The following RNF123 variants were observed in gnomAD, a reference collection of about 807,000 sequenced individuals.
The protein encoded by RNF123 is ring finger protein 123.
RNF123 carries 86 observed loss-of-function variants against 168.5 expected under a neutral mutation model. The observed-to-expected ratio is 0.51, with a 90% CI of 0.43 to 0.61. The LOEUF is 0.61. Ranked by LOEUF, RNF123 falls within the 20% of genes least tolerant of loss-of-function variation. The pLI is 0.00. For missense variants in RNF123, 1,419 were observed against 1,729.7 expected (o/e 0.82, Z 3.19); for synonymous variants, 666 against 689.1 (o/e 0.97, Z 0.52).
chr3:49,710,247 C>A (rs1028407442), intron 26 of RNF123, among the ~76,000 whole-genome samples: 2 of 152,124 alleles, frequency 1.3e-5, no homozygotes, highest in Non-Finnish European at 2.9e-5. Context: ...TTTACAAGCA[C>A]TTATTGGCCA....
chr3:49,716,013 G>T lies in RNF123; in HGVS notation c.3339+3G>T. On this transcript the variant is annotated splice_donor_region_variant and intron_variant, in intron 33 of 38. Transcript: ENST00000327697. ...TGCTGCTGCGGCGTCTTGCACAGGT[G>T]TGGCCATCTGGGCAACAAGGGTGGG... 4 of 1,613,936 alleles carry T rather than the reference G, an allele frequency of 2.5e-6. No homozygotes were observed. Among genetic ancestry groups the T allele is most frequent in the Non-Finnish European group, 2.5e-6 (3 of 1,180,008 alleles).
In RNF123 at chr3:49,702,765, C is replaced by T. The variant is rs564361767; in HGVS notation, c.1750+12C>T. Reference sequence around the variant, plus strand: ...TTCCTTCAGTGAGGGTGAGTGGCACCGGGGTCCCAGGTCAGTGAGGCTGGA... The same window carrying T: ...TTCCTTCAGTGAGGGTGAGTGGCACTGGGGTCCCAGGTCAGTGAGGCTGGA... On this transcript the variant is annotated intron_variant, in intron 20 of 38. Transcript: ENST00000327697. The T allele has an allele frequency of 4.8e-5, 77 of 1,613,970 alleles. No individual in the cohort carries two copies. In the South Asian group the frequency reaches 5.3e-4, roughly 11 times the overall value.
In RNF123 at chr3:49,712,816, T is replaced by TGCAGCACC. The variant is rs1193007900; in HGVS notation, c.2674+160_2674+161insGCAGCACC. The TGCAGCACC allele has an allele frequency of 1.5e-5, 12 of 813,152 alleles. No homozygotes were observed. In the African/African-American group the frequency reaches 1.9e-4, roughly 13 times the overall value. The allele number at this position is 813,152 out of a possible 1,614,324, so 50.4% of individuals were successfully genotyped here. A position where few individuals can be genotyped will look rare whatever the true frequency, so the allele number is the denominator to read the frequency against. On this transcript the variant is annotated intron_variant, in intron 27 of 38. Transcript: ENST00000327697. ...TGGTTCACCCTGCAGCAAACAAACG[T>TGCAGCACC]CTGCACCCTGCCCTGGGACCTGCAG...
chr3:49,695,184 C>T (rs370796813), intron 3 of RNF123, among the ~76,000 whole-genome samples: 3 of 152,190 alleles, frequency 2.0e-5, no homozygotes, highest in East Asian at 3.8e-4. Context: ...CTCACTGCAA[C>T]CTCAAAGTCC....
intron 31 of RNF123, 76 bp from the exon 32 acceptor site, chr3:49,715,499 G>A (rs563610700): frequency 1.5e-5 from 24 of 1,566,808 alleles, no homozygotes; most frequent in Non-Finnish European, 1.9e-5. Flanking sequence ...AAGCCTCAAT[G>A]GGCGAGGACA....
At chr3:49,698,731 T>C in intron 8 of RNF123, 24 bp from the exon 9 acceptor site, 2 of 1,610,654 alleles carry the variant, frequency 1.2e-6, no homozygotes, top group Non-Finnish European at 1.7e-6. Context: ...TCTGTGCATC[T>C]GGTGAGGCCT....
chr3:49,717,117 G>A (rs771830257), intron 35 of RNF123: 2 of 153,118 alleles, frequency 1.3e-5, no homozygotes, highest in African/African-American at 2.4e-5. Context: ...CAGGCTTTTC[G>A]GGCTTTTTAC....
chr3:49,699,878 C>A lies in RNF123; in HGVS notation c.984+106C>A. On this transcript the variant is annotated intron_variant, in intron 12 of 38. Coordinates refer to ENST00000327697, the MANE Select transcript of RNF123 (RefSeq NM_022064.5). This position sits in a 1 kb window ranked among gnomAD's most constrained non-coding sequence, Gnocchi z 4.8. Reference sequence around the variant, plus strand: ...GGGCTGCAGTGCTGAGGTCCCACAGCATCACCTGGCGAGGGCCCCATGTGA... The same window carrying A: ...GGGCTGCAGTGCTGAGGTCCCACAGAATCACCTGGCGAGGGCCCCATGTGA... 2 of 1,205,046 alleles carry A rather than the reference C, an allele frequency of 1.7e-6. No individual in the cohort carries two copies. The highest frequency in any genetic ancestry group is 2.5e-5 in the East Asian group (1 of 40,242). 74.6% of individuals were successfully genotyped at this position (1,205,046 alleles called of 1,614,324 possible). A position where few individuals can be genotyped will look rare whatever the true frequency, so the allele number is the denominator to read the frequency against.
chr3:49,719,521 A>C, intron 35 of RNF123: 1 of 1,427,076 alleles, frequency 7.0e-7, no homozygotes, highest in Non-Finnish European at 9.6e-7. Context: ...CAGTTCCAGG[A>C]CTCACCCTCT....
intron 26 of RNF123, among the ~76,000 whole-genome samples, chr3:49,711,058 C>CA (rs199966236): frequency 1.4e-4 from 22 of 151,770 alleles, no homozygotes; most frequent in African/African-American, 4.6e-4. Context: ...CCCATCTCTA[C>CA]AAAAAAAACA....
At chr3:49,704,940 A>G in intron 22 of RNF123, 44 bp from the exon 23 acceptor site, 1 of 1,546,686 alleles carries the variant, frequency 6.5e-7, no homozygotes, top group Non-Finnish European at 8.8e-7. Flanking sequence ...GGGCCAAGGG[A>G]ACCCTGAGCC....
At chr3:49,698,163 C>T (rs374545967) in intron 7 of RNF123, 26 bp downstream of exon 7, 17 of 1,600,324 alleles carry the variant, frequency 1.1e-5, no homozygotes, top group Non-Finnish European at 1.3e-5. Context: ...GGGACCCCTC[C>T]CTGGGCCCAG....
chr3:49,701,886 C>T lies in RNF123; in HGVS notation c.1471C>T (p.Gln491Ter). 3 of 1,563,826 alleles carry T rather than the reference C, an allele frequency of 1.9e-6. No individual in the cohort carries two copies. The highest frequency in any genetic ancestry group is 2.6e-6 in the Non-Finnish European group (3 of 1,153,946). ...LRRRAYERGCQRLRKRIEVVE... is the reference protein window; with the variant it reads ...LRRRAYERGC ...GCGGCGAGCCTACGAACGGGGCTGT[C>T]AGCGGCTCAGGAAGCGCATCGAAGG... The change falls in exon 17 of 39, where the codon CAG becomes TAG. Residue 491 changes from glutamine to a stop codon, truncating the protein, a stop_gained. Transcript: ENST00000327697. LOFTEE classifies it high-confidence loss of function.
At chr3:49,719,372 G>A (rs1238041313) in intron 35 of RNF123, 4 of 1,613,510 alleles carry the variant, frequency 2.5e-6, no homozygotes, top group African/African-American at 2.7e-5. Context: ...GGGCAGTTGT[G>A]GAGCGCACGG....
In RNF123 at chr3:49,699,839, T is replaced by C; in HGVS notation, c.984+67T>C. The C allele has an allele frequency of 1.3e-6, 2 of 1,510,534 alleles. No homozygotes were observed. The highest frequency in any genetic ancestry group is 1.8e-6 in the Non-Finnish European group (2 of 1,093,890). 93.6% of individuals were successfully genotyped at this position (1,510,534 alleles called of 1,614,324 possible). A position where few individuals can be genotyped will look rare whatever the true frequency, so the allele number is the denominator to read the frequency against. On this transcript the variant is annotated intron_variant, in intron 12 of 38. Transcript: ENST00000327697. The surrounding 1 kb of genome is among the most constrained non-coding windows in gnomAD (Gnocchi z 4.8). Reference sequence around the variant, plus strand: ...CCATGCTAGACACGCCCGTGGTAGATGTGCCCTCACTGAGGGCTGCAGTGC... The same window carrying C: ...CCATGCTAGACACGCCCGTGGTAGACGTGCCCTCACTGAGGGCTGCAGTGC...
chr3:49,698,912 A>T, intron 9 of RNF123, 68 bp from the exon 10 acceptor site: 1 of 1,606,992 alleles, frequency 6.2e-7, no homozygotes, highest in Non-Finnish European at 8.5e-7. Context: ...GGCCAGACTG[A>T]GTTTGATAGC....
At chr3:49,706,993 A>C (rs999591967) in intron 26 of RNF123, 95 bp downstream of exon 26, 48 of 945,350 alleles carry the variant, frequency 5.1e-5, no homozygotes, top group Non-Finnish European at 7.8e-5. Flanking sequence ...CCACCCTCTC[A>C]GGCCTCTGGC....
chr3:49,711,918 A>G (rs1341428907), intron 26 of RNF123, among the ~76,000 whole-genome samples: 2 of 151,840 alleles, frequency 1.3e-5, no homozygotes, highest in Non-Finnish European at 2.9e-5. Context: ...GGCCCTTCAC[A>G]CACCTTGTAC....
At chr3:49,718,509 G>C (rs2080303772) in intron 35 of RNF123, 9 of 1,613,152 alleles carry the variant, frequency 5.6e-6, no homozygotes, top group South Asian at 1.1e-5. Flanking sequence ...CTGGCGCCCT[G>C]AGAAGCTCCT....
Sources: gnomAD v4.1 joint callset for allele counts (sites outside exome capture counted in the v4.1 genomes callset) on GRCh38, gnomAD v4.1.1 for gene constraint, Gnocchi (gnomAD v3.1) non-coding constraint, MANE v1.5 for transcripts, NCBI Gene and HGNC (gene_info 2026-07-23, HGNC 2026-07-21) for gene names.